Variants in PVT1 observed in about 807,000 individuals in gnomAD.
PVT1 encodes the protein Pvt1 oncogene.
intron 2 of PVT1, among the ~76,000 whole-genome samples, chr8:127,860,160 C>T (rs1027984730): frequency 1.3e-5 from 2 of 152,166 alleles, no homozygotes; most frequent in African/African-American, 4.8e-5. Context: ...AGAACCGGCT[C>T]CCAGTGAGCT....
chr8:128,044,192 G>T (rs1221331213), intron 4 of PVT1, among the ~76,000 whole-genome samples: 1 of 145,964 alleles, frequency 6.9e-6, no homozygotes, highest in Non-Finnish European at 1.5e-5. Flanking sequence ...ACTCTATGCA[G>T]ACAGCACCCA....
At chr8:127,917,719 G>C (rs995878664) in intron 3 of PVT1, among the ~76,000 whole-genome samples, 1 of 152,244 alleles carries the variant, frequency 6.6e-6, no homozygotes, top group East Asian at 1.9e-4. Context: ...CCGCCCCAAC[G>C]CGCCTACAGC....
chr8:128,069,927 G>T (rs1813963502), intron 4 of PVT1, among the ~76,000 whole-genome samples: 1 of 151,820 alleles, frequency 6.6e-6, no homozygotes. Flanking sequence ...CCAGCCACTT[G>T]CCTCCTCTGT....
rs1331435829 is a variant in PVT1 at position 127,929,573 on chromosome 8, T to G, written n.782+38575T>G. The stretch of plus-strand genomic sequence containing the variant: ...CGAGGTCAGGAGATCGAGACCATCC[T>G]GGCTAACACGGTGAAACCCCGTCTC... On this transcript the variant is annotated intron_variant and non_coding_transcript_variant, in intron 3 of 10. Coordinates refer to ENST00000651587, the Ensembl canonical transcript of PVT1. 2.6e-5 allele frequency among the ~76,000 whole-genome samples: 4 copies of G among 152,308 alleles called. No individual in the cohort carries two copies. The East Asian group carries it at 7.7e-4, about 29-fold the overall frequency.
chr8:127,883,127 G>T (rs925937016), intron 2 of PVT1, among the ~76,000 whole-genome samples: 3 of 152,000 alleles, frequency 2.0e-5, no homozygotes, highest in Middle Eastern at 3.4e-3. Flanking sequence ...CAGAGAGAGA[G>T]AGAGGAAGGC....
At chr8:128,022,862 ATTTT>A (rs57327175) in intron 4 of PVT1, among the ~76,000 whole-genome samples, 1 of 133,956 alleles carries the variant, frequency 7.5e-6, no homozygotes, top group African/African-American at 2.6e-5. Flanking sequence ...GCAAGCTGAG[ATTTT>A]TTTTTTTTTT....
intron 4 of PVT1, among the ~76,000 whole-genome samples, chr8:128,054,032 C>T (rs1226392943): frequency 6.6e-6 from 1 of 152,202 alleles, no homozygotes; most frequent in Non-Finnish European, 1.5e-5. Flanking sequence ...TGAGTGATAA[C>T]CTCTTGCCAG....
chr8:127,910,248 G>C (rs1030212322), intron 3 of PVT1, among the ~76,000 whole-genome samples: 1 of 152,158 alleles, frequency 6.6e-6, no homozygotes, highest in Non-Finnish European at 1.5e-5. Flanking sequence ...TGGAAGCGGG[G>C]GCAGTTGTGT....
At chr8:127,826,194 T>C (rs1031921447) in intron 2 of PVT1, among the ~76,000 whole-genome samples, 4 of 152,002 alleles carry the variant, frequency 2.6e-5, no homozygotes, top group African/African-American at 9.7e-5. Context: ...GCCAGTAACC[T>C]TGGGCAAATT....
chr8:127,907,806 G>A (rs992480840), intron 3 of PVT1, among the ~76,000 whole-genome samples: 3 of 152,094 alleles, frequency 2.0e-5, no homozygotes, highest in African/African-American at 7.2e-5. Flanking sequence ...GATTTCCAAG[G>A]CACGTTTTAT....
At chr8:127,805,276 T>G (rs1366290258) in intron 2 of PVT1, among the ~76,000 whole-genome samples, 1 of 152,300 alleles carries the variant, frequency 6.6e-6, no homozygotes, top group African/African-American at 2.4e-5. Context: ...AGTGACTGTT[T>G]CGTTGCTTAC....
intron 4 of PVT1, among the ~76,000 whole-genome samples, chr8:128,019,690 T>G (rs1817412060): frequency 6.6e-6 from 1 of 152,212 alleles, no homozygotes; most frequent in African/African-American, 2.4e-5. Context: ...TAGACCAGCA[T>G]GTGCAGATTC....
chr8:127,993,309 A>T (rs756299927), intron 4 of PVT1, among the ~76,000 whole-genome samples: 3 of 152,238 alleles, frequency 2.0e-5, no homozygotes, highest in Non-Finnish European at 4.4e-5. Context: ...TCTGCAATGC[A>T]CTAGGCCCAG....
At position 128,039,231 on chromosome 8, in the gene PVT1, C is replaced by T. The variant is rs538820631; in HGVS notation, n.913-30929C>T. 4.0e-5 allele frequency among the ~76,000 whole-genome samples: 4 copies of T among 100,456 alleles called. No individual in the cohort carries two copies. The South Asian group carries it at 1.6e-3, about 41-fold the overall frequency. The allele number at this position is 100,456 out of a possible 152,430, so 65.9% of individuals were successfully genotyped here. On this transcript the variant is annotated intron_variant and non_coding_transcript_variant, in intron 4 of 10. Coordinates refer to ENST00000651587, the Ensembl canonical transcript of PVT1. Reference sequence around the variant, plus strand: ...AGGTTGCAGAGCACCTGCTCAGGTTCTTGCCTCGCCTCCCTTCCCCCTTTC... The same window carrying T: ...AGGTTGCAGAGCACCTGCTCAGGTTTTTGCCTCGCCTCCCTTCCCCCTTTC...
chr8:127,830,154 T>G (rs1814833900), intron 2 of PVT1, among the ~76,000 whole-genome samples: 1 of 152,242 alleles, frequency 6.6e-6, no homozygotes, highest in Non-Finnish European at 1.5e-5. Flanking sequence ...ACATGAATTC[T>G]TGGGAGCAAT....
At chr8:127,998,291 T>C (rs1237265350) in intron 4 of PVT1, 3 of 152,346 alleles carry the variant, frequency 2.0e-5, no homozygotes, top group Admixed American at 1.3e-4. Context: ...ACTATTTAGA[T>C]TTTTTCTACC....
chr8:127,859,718 C>A (rs1201603156), intron 2 of PVT1, among the ~76,000 whole-genome samples: 2 of 152,016 alleles, frequency 1.3e-5, no homozygotes, highest in Non-Finnish European at 2.9e-5. Context: ...CAGATTTGGG[C>A]TTTAGAGTCA....
intron 2 of PVT1, among the ~76,000 whole-genome samples, chr8:127,810,295 C>T (rs1286766825): frequency 1.3e-5 from 2 of 152,246 alleles, no homozygotes; most frequent in Admixed American, 6.5e-5. Context: ...GCATGCTGAT[C>T]TCGTTAAAAA....
chr8:127,868,892 C>A (rs1453431440), intron 2 of PVT1, among the ~76,000 whole-genome samples: 7 of 149,432 alleles, frequency 4.7e-5, no homozygotes, highest in African/African-American at 1.7e-4. Context: ...CCAAAACAAA[C>A]CCACAGGCAC....
Sources: allele counts gnomAD v4.1 joint callset (sites outside exome capture counted in the v4.1 genomes callset), GRCh38; gene constraint gnomAD v4.1.1; transcripts MANE v1.5; gene names NCBI Gene and HGNC (gene_info 2026-07-23, HGNC 2026-07-21).